Variants in PPP6R3 observed in about 807,000 individuals in gnomAD.
The protein encoded by PPP6R3 is serine/threonine-protein phosphatase 6 regulatory subunit 3.
A neutral mutation model predicts 110.7 loss-of-function variants in PPP6R3; 38 were observed. The ratio of observed to expected loss-of-function variants is 0.34; its 90% confidence interval spans 0.26 to 0.45. The LOEUF (loss-of-function observed/expected upper bound fraction) is 0.45. Ranked by LOEUF, PPP6R3 falls within the 20% of genes least tolerant of loss-of-function variation. The pLI, the probability that PPP6R3 is intolerant of heterozygous loss-of-function variation, is 1.00. For missense variants in PPP6R3, 870 were observed against 1,062.4 expected (o/e 0.82, Z 2.52); for synonymous variants, 369 against 373.5 (o/e 0.99, Z 0.14).
At chr11:68,524,536 A>G (rs1302337325) in intron 2 of PPP6R3, among the ~76,000 whole-genome samples, 2 of 152,162 alleles carry the variant, frequency 1.3e-5, no homozygotes, top group African/African-American at 4.8e-5. Flanking sequence ...TATTAGTTAC[A>G]TCGTAATATT....
In PPP6R3 at chr11:68,521,616, T is replaced by TA. The variant is rs528014810; in HGVS notation, c.-7+1966dup. Among the ~76,000 whole-genome samples, 60 of 152,244 alleles carry TA rather than the reference T, an allele frequency of 3.9e-4. 1 individual carries two copies. The South Asian group carries it at 0.012, about 30-fold the overall frequency. On this transcript the variant is annotated intron_variant, in intron 2 of 23. Coordinates refer to ENST00000393800, the MANE Select transcript of PPP6R3 (RefSeq NM_001164161.2). ...TCCTGGAGAGGAACAGCACTGTAGGTATAGGGCACTTTAGACCAGGGGCTG... is the reference window on the plus strand; with the variant it reads ...TCCTGGAGAGGAACAGCACTGTAGGTAATAGGGCACTTTAGACCAGGGGCTG...
At chr11:68,542,355 A>T (rs897652808) in intron 3 of PPP6R3, among the ~76,000 whole-genome samples, 6 of 100,194 alleles carry the variant, frequency 6.0e-5, no homozygotes, top group African/African-American at 2.3e-4. Context: ...CCGAGGGTGG[A>T]GTGGAGGCAT....
intron 5 of PPP6R3, among the ~76,000 whole-genome samples, chr11:68,549,428 A>G (rs999706031): frequency 6.6e-6 from 1 of 152,098 alleles, no homozygotes; most frequent in East Asian, 1.9e-4. Flanking sequence ...CCAGGTGTGC[A>G]TTTATGTGAT....
intron 1 of PPP6R3, among the ~76,000 whole-genome samples, chr11:68,477,037 A>G (rs1317529400): frequency 1.3e-5 from 2 of 152,086 alleles, no homozygotes; most frequent in Non-Finnish European, 2.9e-5. Context: ...TCTTTAAAAA[A>G]AAAAAAAAGT....
At chr11:68,493,648 A>G (rs1029152395) in intron 1 of PPP6R3, among the ~76,000 whole-genome samples, 3 of 148,358 alleles carry the variant, frequency 2.0e-5, no homozygotes, top group African/African-American at 7.4e-5. Context: ...AAATATATAT[A>G]CAAAAAAATA....
intron 1 of PPP6R3, among the ~76,000 whole-genome samples, chr11:68,486,603 TAAAAAAAA>T (rs61408861): frequency 2.7e-5 from 3 of 111,682 alleles, no homozygotes; most frequent in East Asian, 2.5e-4. Context: ...GACTCTGTCT[TAAAAAAAA>T]AAAAAAAAAA....
chr11:68,568,066 C>T (rs1187702300), intron 10 of PPP6R3, among the ~76,000 whole-genome samples: 1 of 151,866 alleles, frequency 6.6e-6, no homozygotes, highest in Non-Finnish European at 1.5e-5. Context: ...CTTTATCAAC[C>T]ACATCATTGT....
Position 68,614,422 on chromosome 11 carries a change from A to G in PPP6R3, c.*1305A>G, listed in dbSNP as rs1244285298. The G allele has an allele frequency of 1.5e-6, 2 of 1,315,182 alleles. No individual in the cohort carries two copies. Among genetic ancestry groups the G allele is most frequent in the Middle Eastern group, 2.9e-4 (1 of 3,414 alleles). The allele number at this position is 1,315,182 out of a possible 1,614,324, so 81.5% of individuals were successfully genotyped here. On this transcript the variant is annotated 3_prime_UTR_variant, in exon 24 of 24. Coordinates refer to ENST00000393800, the MANE Select transcript of PPP6R3 (RefSeq NM_001164161.2). ...ACTTTTAGATGCAAATCAGTTTTTC[A>G]TTTCTGTAATAGAAAATTATTCACG... is the stretch of plus-strand genomic sequence containing the variant.
chr11:68,532,070 A>G (rs2099244228), intron 2 of PPP6R3, among the ~76,000 whole-genome samples: 1 of 152,236 alleles, frequency 6.6e-6, no homozygotes, highest in African/African-American at 2.4e-5. Flanking sequence ...TAATTTAGCC[A>G]CTTTACCAGT....
chr11:68,570,943 A>G (rs1565918538), intron 11 of PPP6R3, 97 bp from the exon 12 acceptor site: 1 of 1,417,082 alleles, frequency 7.1e-7, no homozygotes, highest in Non-Finnish European at 9.4e-7. Flanking sequence ...TTGCTAGATT[A>G]TGCATACTAC....
chr11:68,591,262 T>C (rs1183534694), intron 17 of PPP6R3, among the ~76,000 whole-genome samples: 2 of 152,092 alleles, frequency 1.3e-5, no homozygotes, highest in East Asian at 1.9e-4. Flanking sequence ...TTTTCCTTGC[T>C]AGGACAGACC....
At chr11:68,590,572 A>G in intron 16 of PPP6R3, 88 bp from the exon 17 acceptor site, 1 of 1,345,944 alleles carries the variant, frequency 7.4e-7, no homozygotes, top group South Asian at 1.7e-5. Flanking sequence ...TAGTGTAAAT[A>G]TCTTAAATTT....
chr11:68,582,856 T>G (rs902071696), intron 14 of PPP6R3, among the ~76,000 whole-genome samples, 187 bp from the exon 15 acceptor site: 2 of 152,236 alleles, frequency 1.3e-5, no homozygotes, highest in Non-Finnish European at 2.9e-5. Context: ...GGCAGCAGCC[T>G]GGCCCGAGGG....
chr11:68,487,536 C>T (rs2098955716), intron 1 of PPP6R3, among the ~76,000 whole-genome samples: 1 of 151,332 alleles, frequency 6.6e-6, no homozygotes, highest in Non-Finnish European at 1.5e-5. Flanking sequence ...CACCACTGCA[C>T]TCCAGCCTGG....
chr11:68,566,947 C>G, intron 9 of PPP6R3, 67 bp from the exon 10 acceptor site: 1 of 1,418,520 alleles, frequency 7.0e-7, no homozygotes, highest in Non-Finnish European at 9.5e-7. Flanking sequence ...AGTGTCATGT[C>G]TTAGCAAATA....
At chr11:68,501,649 G>A (rs1208331782) in intron 1 of PPP6R3, among the ~76,000 whole-genome samples, 6 of 152,228 alleles carry the variant, frequency 3.9e-5, no homozygotes, top group African/African-American at 1.2e-4. Flanking sequence ...CTTAAAATGC[G>A]TGTGTATCCA....
intron 18 of PPP6R3, among the ~76,000 whole-genome samples, chr11:68,594,938 T>G (rs1023737668): frequency 6.6e-6 from 1 of 152,228 alleles, no homozygotes. Context: ...CAACTGACTT[T>G]TGATAGAGGC....
At chr11:68,570,046 CAT>C in intron 11 of PPP6R3, 149 bp downstream of exon 11, 3 of 697,752 alleles carry the variant, frequency 4.3e-6, no homozygotes, top group Non-Finnish European at 6.6e-6. Context: ...TCACTTTTAA[CAT>C]ATAAATCATT....
At chr11:68,495,663 C>T (rs1209281709) in intron 1 of PPP6R3, among the ~76,000 whole-genome samples, 3 of 152,058 alleles carry the variant, frequency 2.0e-5, no homozygotes, top group East Asian at 3.8e-4. Context: ...TGTATGAGTA[C>T]TTCATTTCTT....
Sources: gnomAD v4.1 joint callset for allele counts (sites outside exome capture counted in the v4.1 genomes callset) on GRCh38, gnomAD v4.1.1 for gene constraint, MANE v1.5 for transcripts, NCBI Gene and HGNC (gene_info 2026-07-23, HGNC 2026-07-21) for gene names.